SSU72: variants seen among roughly 807,000 people sequenced by gnomAD.
The protein encoded by SSU72 is SSU72 homolog, RNA polymerase II CTD phosphatase.
A neutral mutation model predicts 22.7 loss-of-function variants in SSU72; 12 were observed. The observed-to-expected ratio is 0.53, with a 90% confidence interval of 0.34 to 0.86. SSU72 has a LOEUF of 0.86. Ranked by LOEUF, SSU72 falls within the 40% of genes least tolerant of loss-of-function variation. The pLI, the probability that SSU72 is intolerant of heterozygous loss-of-function variation, is 0.02. For missense variants in SSU72, 151 were observed against 249.8 expected (o/e 0.60, Z 2.67); for synonymous variants, 116 against 98.3 (o/e 1.18, Z -1.06).
rs139553173 is a variant in SSU72 at position 1,543,932 on chromosome 1, G to A, written c.420C>T (p.Asp140=). 442 of 1,614,104 alleles carry A rather than the reference G, an allele frequency of 2.7e-4. 1 individual carries two copies. Among genetic ancestry groups the A allele is most frequent in the Non-Finnish European group, 3.4e-4 (406 of 1,179,992 alleles). ...TGGCCTCCTCGTGGTTGTCCTGGATGTCCACATTGACCACGTGCACAGGCT... is the reference window on the plus strand; with the variant it reads ...TGGCCTCCTCGTGGTTGTCCTGGATATCCACATTGACCACGTGCACAGGCT... ...TCQPVHVVNV[D]IQDNHEEATL... is the part of the protein sequence containing the mutation. Residue 140 remains aspartate, a synonymous_variant, in exon 4 of 5, where the codon GAC becomes GAT. Coordinates refer to ENST00000291386, the MANE Select transcript of SSU72 (RefSeq NM_014188.3).
In SSU72 at chr1:1,564,855, C is replaced by G; in HGVS notation, c.142G>C (p.Ala48Pro). The G allele has an allele frequency of 6.2e-7, 1 of 1,614,156 alleles. No individual in the cohort carries two copies. The highest frequency in any genetic ancestry group is 8.5e-7 in the Non-Finnish European group (1 of 1,180,030). ...TCATAAACATTGGGCTTGTCGGGAG[C>G]TGGTCCTGGAAGCTTCACGTGAGTC... is the stretch of plus-strand genomic sequence containing the variant. ...TGTHVKLPGP[A>P]PDKPNVYDFK... Residue 48 changes from alanine to proline, a missense_variant, in exon 2 of 5, where the codon GCT becomes CCT. Coordinates refer to ENST00000291386, the MANE Select transcript of SSU72 (RefSeq NM_014188.3).
At position 1,564,844 on chromosome 1, in the gene SSU72, C is replaced by T; in HGVS notation, c.153G>A (p.Lys51=). ...HVKLPGPAPD[K]PNVYDFKTTY... is the part of the protein sequence containing the mutation. ...TGGTTTTGAAATCATAAACATTGGG[C>T]TTGTCGGGAGCTGGTCCTGGAAGCT... Residue 51 remains lysine, a synonymous_variant, in exon 2 of 5, where the codon AAG becomes AAA. Transcript: ENST00000291386. The T allele has an allele frequency of 6.2e-7, 1 of 1,614,144 alleles. No individual in the cohort carries two copies. Among genetic ancestry groups the T allele is most frequent in the African/African-American group, 1.3e-5 (1 of 75,042 alleles).
At chr1:1,556,629 A>G (rs1247546121) in intron 2 of SSU72, among the ~76,000 whole-genome samples, 1 of 152,214 alleles carries the variant, frequency 6.6e-6, no homozygotes, top group Non-Finnish European at 1.5e-5. Context: ...ACCCCTCGAA[A>G]AGGTCTCATG....
At chr1:1,563,094 C>A (rs1356388773) in intron 2 of SSU72, 4 of 152,332 alleles carry the variant, frequency 2.6e-5, no homozygotes, top group East Asian at 1.9e-4. Context: ...AACCTTTTAA[C>A]TGTAACTGGC....
intron 3 of SSU72, 121 bp from the exon 4 acceptor site, chr1:1,544,108 C>T (rs1642360563): frequency 1.4e-6 from 1 of 724,414 alleles, no homozygotes; most frequent in Non-Finnish European, 2.3e-6. Flanking sequence ...GGTTTCTGGA[C>T]TCTGCAGTTT....
intron 2 of SSU72, among the ~76,000 whole-genome samples, chr1:1,555,178 C>T (rs1044141780): frequency 1.3e-5 from 2 of 152,172 alleles, no homozygotes; most frequent in African/African-American, 4.8e-5. Flanking sequence ...AGACTCCCCA[C>T]ATCAGAGGGG....
At chr1:1,549,497 G>C (rs752335688) in intron 2 of SSU72, among the ~76,000 whole-genome samples, 7 of 150,696 alleles carry the variant, frequency 4.6e-5, no homozygotes, top group African/African-American at 1.5e-4. Flanking sequence ...CCAGCCTGGG[G>C]GACAGAGCGA....
rs534703011 is a variant in SSU72, at chr1:1,562,127, G to A, written c.224+2646C>T. ...CCAAGTCCTTCCGGATGAGACTGCT[G>A]AAGCTGGACTCAGTCCTTGCAGAAC... is the stretch of plus-strand genomic sequence containing the variant. On this transcript the variant is annotated intron_variant, in intron 2 of 4. Transcript: ENST00000291386. 5.3e-5 allele frequency: 8 copies of A among 152,366 alleles called. No individual in the cohort carries two copies. The East Asian group carries it at 1.5e-3, about 29-fold the overall frequency. 9.4% of individuals were successfully genotyped at this position (152,366 alleles called of 1,614,324 possible).
At chr1:1,573,286 C>G (rs908017565) in intron 1 of SSU72, among the ~76,000 whole-genome samples, 1 of 134,382 alleles carries the variant, frequency 7.4e-6, no homozygotes, top group East Asian at 2.3e-4. Context: ...AAAAATTAGC[C>G]GTGCCTGGTG....
At position 1,574,468 on chromosome 1, in the gene SSU72, G is replaced by A. The variant is rs747506058; in HGVS notation, c.80+10C>T. The A allele has an allele frequency of 5.6e-6, 9 of 1,592,946 alleles. No homozygotes were observed. Among genetic ancestry groups the A allele is most frequent in the South Asian group, 1.1e-5 (1 of 88,606 alleles). On this transcript the variant is annotated intron_variant, in intron 1 of 4. Coordinates refer to ENST00000291386, the MANE Select transcript of SSU72 (RefSeq NM_014188.3). The stretch of plus-strand genomic sequence containing the variant: ...GCAGAGCGCGCGGGGACAGGGTGGA[G>A]CCCAACTACCTGAGGATGTTGTGCG...
At chr1:1,571,850 G>A (rs562512225) in intron 1 of SSU72, among the ~76,000 whole-genome samples, 20 of 151,592 alleles carry the variant, frequency 1.3e-4, no homozygotes, top group African/African-American at 1.9e-4. Context: ...TGCAGTGGCC[G>A]GATCTCAGCT....
intron 1 of SSU72, among the ~76,000 whole-genome samples, chr1:1,572,360 G>A (rs1368331566): frequency 1.9e-4 from 28 of 147,086 alleles, no homozygotes; most frequent in Non-Finnish European, 3.7e-4. Context: ...CCCAGGAGGC[G>A]GAGCTTGCAG....
At chr1:1,551,180 G>A (rs1339865535) in intron 2 of SSU72, among the ~76,000 whole-genome samples, 2 of 152,228 alleles carry the variant, frequency 1.3e-5, no homozygotes, top group Non-Finnish European at 2.9e-5. Flanking sequence ...AAACAAGGCT[G>A]CAGTCCCAGC....
In SSU72 at chr1:1,574,430, G is replaced by A. The variant is rs200456039; in HGVS notation, c.80+48C>T. 2.7e-5 allele frequency: 41 copies of A among 1,544,730 alleles called. No homozygotes were observed. The East Asian group carries it at 5.9e-4, about 22-fold the overall frequency. On this transcript the variant is annotated intron_variant, in intron 1 of 4. Transcript: ENST00000291386. ...CAGGGGGAACCGGGGAGGAGGGAGG[G>A]CCGGTCGCCGGAGCAGAGCGCGCGG...
At chr1:1,565,288 G>C (rs908863841) in intron 1 of SSU72, among the ~76,000 whole-genome samples, 2 of 152,164 alleles carry the variant, frequency 1.3e-5, no homozygotes, top group African/African-American at 4.8e-5. Flanking sequence ...CAGGAGAATG[G>C]CGTGAACCCG....
chr1:1,549,588 C>T (rs1642431959), intron 2 of SSU72, among the ~76,000 whole-genome samples: 1 of 152,018 alleles, frequency 6.6e-6, no homozygotes, highest in Admixed American at 6.6e-5. Flanking sequence ...CCTATAATCC[C>T]ACCACTTTGG....
In SSU72 at chr1:1,544,003, T is replaced by C. The variant is rs1557494157; in HGVS notation, c.365-16A>G. 1.3e-6 allele frequency: 2 copies of C among 1,596,764 alleles called. No homozygotes were observed. The highest frequency in any genetic ancestry group is 2.2e-5 in the East Asian group (1 of 44,700). ...GAATTCAGATCTGATTGGGACAAGG[T>C]GACACAGACGTCAGAGGCTCCAAAA... On this transcript the variant is annotated splice_polypyrimidine_tract_variant and intron_variant, in intron 3 of 4. Coordinates refer to ENST00000291386, the MANE Select transcript of SSU72 (RefSeq NM_014188.3).
rs530889956 is a variant in SSU72, at chr1:1,574,722, C to G, written c.-165G>C. On this transcript the variant is annotated 5_prime_UTR_variant, in exon 1 of 5. Transcript: ENST00000291386. ...CTGCGCGGCGGCCTCCCCGCCCACC[C>G]TGGGCGCCGGGCCGCGGACGGAGCG... 103 of 551,408 alleles carry G rather than the reference C, an allele frequency of 1.9e-4. No homozygotes were observed. The Middle Eastern group carries it at 4.0e-3, about 21-fold the overall frequency. The allele number at this position is 551,408 out of a possible 1,614,324, so 34.2% of individuals were successfully genotyped here.
chr1:1,542,318 C>A lies in SSU72; in HGVS notation c.484-151G>T. 1 of 718,636 alleles carries A rather than the reference C, an allele frequency of 1.4e-6. No homozygotes were observed. Among genetic ancestry groups the A allele is most frequent in the Non-Finnish European group, 2.3e-6 (1 of 435,328 alleles). The allele number at this position is 718,636 out of a possible 1,614,324, so 44.5% of individuals were successfully genotyped here. ...CCCCACCGCTGCTGCCTCACAAGGA[C>A]GGCCGGAGGCTGCAGGGGGAGAGCG... On this transcript the variant is annotated intron_variant, in intron 4 of 4. Coordinates refer to ENST00000291386, the MANE Select transcript of SSU72 (RefSeq NM_014188.3). This position sits in a 1 kb window ranked among gnomAD's most constrained non-coding sequence, Gnocchi z 4.4.
Sources: allele counts gnomAD v4.1 joint callset (sites outside exome capture counted in the v4.1 genomes callset), GRCh38; gene constraint gnomAD v4.1.1; non-coding constraint Gnocchi (gnomAD v3.1); transcripts MANE v1.5; gene names NCBI Gene and HGNC (gene_info 2026-07-23, HGNC 2026-07-21).